Variants in ATP6V1C1 observed in about 807,000 individuals in gnomAD.
ATP6V1C1 encodes V-type proton ATPase subunit C 1.
A neutral mutation model predicts 53.9 loss-of-function variants in ATP6V1C1; 45 were observed. The observed-to-expected ratio is 0.83, with a 90% CI of 0.66 to 1.07. ATP6V1C1 has a LOEUF of 1.07. Among genes scored for constraint, ATP6V1C1 ranks in the 50% least tolerant of loss-of-function variants. The probability of loss-of-function intolerance (pLI) is 0.00; values close to 1 mark genes in which losing one functional copy is unlikely to be tolerated. For missense variants in ATP6V1C1, 315 were observed against 440.3 expected (o/e 0.72, Z 2.55); for synonymous variants, 153 against 155.2 (o/e 0.99, Z 0.11).
At chr8:103,068,120 TA>T (rs1242591686) in intron 12 of ATP6V1C1, among the ~76,000 whole-genome samples, 1 of 152,170 alleles carries the variant, frequency 6.6e-6, no homozygotes, top group Admixed American at 6.5e-5. Context: ...GTTGGGACTA[TA>T]GGCACGCAGT....
At chr8:103,061,877 A>G (rs1817404870) in intron 8 of ATP6V1C1, among the ~76,000 whole-genome samples, 1 of 152,192 alleles carries the variant, frequency 6.6e-6, no homozygotes, top group Admixed American at 6.5e-5. Context: ...TCTATACAGG[A>G]GGCACTATAG....
In ATP6V1C1 at chr8:103,040,950, C is replaced by G. The variant is rs73699556; in HGVS notation, c.114C>G (p.Phe38Leu). The G allele has an allele frequency of 6.2e-7, 1 of 1,613,936 alleles. No individual in the cohort carries two copies. Among genetic ancestry groups the G allele is most frequent in the South Asian group, 1.1e-5 (1 of 91,072 alleles). ...KNNNLAVTSK[F>L]NIPDLKVGTL... ...ATAATCTTGCTGTCACTTCCAAGTT[C>G]AATATTCCTGACTTAAAGGTGAAGC... Residue 38 changes from phenylalanine (F) to leucine (L), a missense_variant, in exon 2 of 13, where the codon TTC (phenylalanine) becomes TTG (leucine). Physicochemically the swap from Phe to Leu is conservative, Grantham distance 22. Transcript: ENST00000518738.
In ATP6V1C1 at chr8:103,066,222, G is replaced by A. The variant is rs902493274; in HGVS notation, c.927-99G>A. On this transcript the variant is annotated intron_variant, in intron 11 of 12. Coordinates refer to ENST00000518738, the MANE Select transcript of ATP6V1C1 (RefSeq NM_001695.5). Reference sequence around the variant, plus strand: ...AGGTAAAGGGAGATATTCTCTCCCCGTTAACCATGATTAAAGAGTATGAGA... The same window carrying A: ...AGGTAAAGGGAGATATTCTCTCCCCATTAACCATGATTAAAGAGTATGAGA... 1.4e-5 allele frequency: 19 copies of A among 1,376,094 alleles called. No individual in the cohort carries two copies. The African/African-American group carries it at 2.2e-4, about 16-fold the overall frequency. The allele number at this position is 1,376,094 out of a possible 1,614,324, so 85.2% of individuals were successfully genotyped here. A position where few individuals can be genotyped will look rare whatever the true frequency, so the allele number is the denominator to read the frequency against.
intron 1 of ATP6V1C1, among the ~76,000 whole-genome samples, chr8:103,030,197 A>G (rs1229452253): frequency 6.6e-6 from 1 of 152,148 alleles, no homozygotes; most frequent in Non-Finnish European, 1.5e-5. Context: ...GTACAAAAGC[A>G]ATACATGTTC....
chr8:103,028,078 A>G (rs1481083413), intron 1 of ATP6V1C1, among the ~76,000 whole-genome samples: 1 of 152,234 alleles, frequency 6.6e-6, no homozygotes, highest in Non-Finnish European at 1.5e-5. Context: ...TGTCTGCCTA[A>G]TGCTGTTAAT....
chr8:103,062,172 T>TG (rs1817412207), intron 8 of ATP6V1C1, among the ~76,000 whole-genome samples: 1 of 131,086 alleles, frequency 7.6e-6, no homozygotes, highest in Non-Finnish European at 1.6e-5. Context: ...TTTTTTTTTT[T>TG]TTTTTTTTTT....
At chr8:103,042,523 C>T (rs974993668) in intron 3 of ATP6V1C1, 116 bp downstream of exon 3, 26 of 937,150 alleles carry the variant, frequency 2.8e-5, no homozygotes, top group African/African-American at 1.7e-4. Flanking sequence ...TTTTAGAAAA[C>T]GACTTTTTTC....
Position 103,053,906 on chromosome 8 carries a change from C to G in ATP6V1C1, c.496C>G (p.Leu166Val). The G allele has an allele frequency of 1.2e-6, 2 of 1,611,564 alleles. No homozygotes were observed. Among genetic ancestry groups the G allele is most frequent in the Non-Finnish European group, 1.7e-6 (2 of 1,178,538 alleles). ...CAGAGGAAGTTTGCTAACTAGAAGT[C>G]TAGCAGAAATTGTGAAGAAGGATGA... Reference protein sequence around the residue: ...KNAGSLLTRSLAEIVKKDDFV... With the variant: ...KNAGSLLTRSVAEIVKKDDFV... The change falls in exon 7 of 13, where the codon CTA becomes GTA. Residue 166 changes from leucine (L) to valine (V), a missense_variant. Transcript: ENST00000518738.
intron 10 of ATP6V1C1, among the ~76,000 whole-genome samples, chr8:103,064,090 C>A (rs1196080428): frequency 6.6e-6 from 1 of 152,066 alleles, no homozygotes; most frequent in Non-Finnish European, 1.5e-5. Flanking sequence ...TAATGTTATC[C>A]AAGGAAGTGT....
At chr8:103,047,399 T>C (rs993224420) in intron 3 of ATP6V1C1, among the ~76,000 whole-genome samples, 3 of 122,728 alleles carry the variant, frequency 2.4e-5, no homozygotes, top group African/African-American at 3.2e-5. Context: ...AGAGTGAGAC[T>C]CTCTCTTAAA....
intron 1 of ATP6V1C1, among the ~76,000 whole-genome samples, chr8:103,022,638 T>G (rs971170030): frequency 6.6e-6 from 1 of 152,180 alleles, no homozygotes; most frequent in Non-Finnish European, 1.5e-5. Context: ...AATATGACTT[T>G]TTAAAGATTA....
At chr8:103,022,956 G>A (rs1003642234) in intron 1 of ATP6V1C1, among the ~76,000 whole-genome samples, 2 of 152,144 alleles carry the variant, frequency 1.3e-5, no homozygotes, top group African/African-American at 4.8e-5. Flanking sequence ...GGGAGGCTGA[G>A]GCGAGAGGAT....
chr8:103,061,615 C>G (rs1817396763), intron 8 of ATP6V1C1, among the ~76,000 whole-genome samples: 1 of 152,126 alleles, frequency 6.6e-6, no homozygotes, highest in South Asian at 2.1e-4. Context: ...TGTTTATTGT[C>G]TAGATTGTGG....
At chr8:103,062,642 A>C (rs1817422653) in intron 8 of ATP6V1C1, among the ~76,000 whole-genome samples, 1 of 152,210 alleles carries the variant, frequency 6.6e-6, no homozygotes, top group Non-Finnish European at 1.5e-5. Flanking sequence ...GAGACACTGG[A>C]AACAAAGCAG....
At chr8:103,063,112 T>C (rs749137550) in intron 9 of ATP6V1C1, 23 bp from the exon 10 acceptor site, 9 of 1,609,680 alleles carry the variant, frequency 5.6e-6, no homozygotes, top group Non-Finnish European at 6.8e-6. Flanking sequence ...TGAACAATTT[T>C]GTTTTTTTTC....
At chr8:103,034,391 A>G (rs1405610414) in intron 1 of ATP6V1C1, among the ~76,000 whole-genome samples, 8 of 152,166 alleles carry the variant, frequency 5.3e-5, no homozygotes, top group Admixed American at 3.3e-4. Flanking sequence ...GGTTCTTGGC[A>G]AGTTGATAAC....
chr8:103,039,778 G>A (rs1204130945), intron 1 of ATP6V1C1, among the ~76,000 whole-genome samples: 2 of 152,120 alleles, frequency 1.3e-5, no homozygotes, highest in African/African-American at 4.8e-5. Flanking sequence ...AGAGGGTTAG[G>A]TGAATCTTAA....
chr8:103,046,858 C>T (rs1563605142), intron 3 of ATP6V1C1, among the ~76,000 whole-genome samples: 2 of 152,292 alleles, frequency 1.3e-5, no homozygotes, highest in South Asian at 4.1e-4. Flanking sequence ...TACATTGACA[C>T]AGATCCTCTT....
intron 4 of ATP6V1C1, among the ~76,000 whole-genome samples, chr8:103,050,050 T>C (rs749632375): frequency 6.6e-6 from 1 of 152,194 alleles, no homozygotes; most frequent in South Asian, 2.1e-4. Context: ...ATATTTTAAA[T>C]CCAGTGTTCC....
Sources: gnomAD v4.1 joint callset for allele counts (sites outside exome capture counted in the v4.1 genomes callset) on GRCh38, gnomAD v4.1.1 for gene constraint, MANE v1.5 for transcripts, NCBI Gene and HGNC (gene_info 2026-07-23, HGNC 2026-07-21) for gene names.